PRKCA: variants seen among roughly 807,000 people sequenced by gnomAD.
PRKCA encodes the protein protein kinase C alpha.
A neutral mutation model predicts 87.0 loss-of-function variants in PRKCA; 27 were observed. The ratio of observed to expected loss-of-function variants is 0.31; its 90% CI spans 0.23 to 0.43. The LOEUF is 0.43. PRKCA is among the 20% of genes least tolerant of loss of function. PRKCA has a pLI of 1.00. For synonymous variants in PRKCA, 329 were observed against 311.1 expected, an observed-to-expected ratio of 1.06 and a Z score of -0.61; for missense variants, 518 against 852.3, an observed-to-expected ratio of 0.61 and a Z score of 4.88.
chr17:66,339,325 A>G (rs1906898408), intron 2 of PRKCA, among the ~76,000 whole-genome samples: 1 of 152,172 alleles, frequency 6.6e-6, no homozygotes, highest in Non-Finnish European at 1.5e-5. Flanking sequence ...TCTTTCTTTT[A>G]AAATTAACGC....
Position 66,501,048 on chromosome 17 carries a change from C to T in PRKCA, c.288+4765C>T, listed in dbSNP as rs139316148. Among the ~76,000 whole-genome samples, 836 of 152,088 alleles carry T rather than the reference C, an allele frequency of 5.5e-3. 6 individuals carry two copies. Among genetic ancestry groups the T allele is most frequent in the African/African-American group, 0.019 (786 of 41,466 alleles). Reference sequence around the variant, plus strand: ...CTTCGTTGAGCTTGGCAGACTCTAACACATTCACAGACGGGGAAAAAGAAG... The same window carrying T: ...CTTCGTTGAGCTTGGCAGACTCTAATACATTCACAGACGGGGAAAAAGAAG... On this transcript the variant is annotated intron_variant, in intron 3 of 16. Coordinates refer to ENST00000413366, the MANE Select transcript of PRKCA (RefSeq NM_002737.3).
intron 2 of PRKCA, among the ~76,000 whole-genome samples, chr17:66,306,798 A>G (rs1456452134): frequency 1.3e-5 from 2 of 152,038 alleles, no homozygotes; most frequent in Admixed American, 6.6e-5. Context: ...CTCCATTCTA[A>G]TTGTTTGACT....
intron 6 of PRKCA, among the ~76,000 whole-genome samples, chr17:66,687,893 G>T (rs899955191): frequency 6.6e-6 from 1 of 152,190 alleles, no homozygotes; most frequent in Admixed American, 6.5e-5. Context: ...CAGTTTTTCT[G>T]TGGACAACCA....
At position 66,756,106 on chromosome 17, in the gene PRKCA, G is replaced by A. The variant is rs538265787; in HGVS notation, c.1524+13346G>A. On this transcript the variant is annotated intron_variant, in intron 13 of 16. Coordinates refer to ENST00000413366, the MANE Select transcript of PRKCA (RefSeq NM_002737.3). Reference sequence around the variant, plus strand: ...GCGTTTTGGAGTTTTCCCTCAGGAAGCGCTGCCGGGTCCTCACAGTGAATG... The same window carrying A: ...GCGTTTTGGAGTTTTCCCTCAGGAAACGCTGCCGGGTCCTCACAGTGAATG... 1.8e-4 allele frequency among the ~76,000 whole-genome samples: 28 copies of A among 152,318 alleles called. No homozygotes were observed. In the East Asian group the frequency reaches 5.4e-3, roughly 29 times the overall value.
At chr17:66,447,853 G>A (rs1294974340) in intron 2 of PRKCA, among the ~76,000 whole-genome samples, 1 of 152,184 alleles carries the variant, frequency 6.6e-6, no homozygotes. Context: ...CTTGTTTACT[G>A]GAGGGCTTGG....
chr17:66,476,476 G>C (rs1016344895), intron 2 of PRKCA, among the ~76,000 whole-genome samples: 1 of 152,196 alleles, frequency 6.6e-6, no homozygotes, highest in Non-Finnish European at 1.5e-5. Flanking sequence ...CCAAGGCCCT[G>C]TCTGGTCTAA....
intron 2 of PRKCA, among the ~76,000 whole-genome samples, chr17:66,380,056 A>G (rs1188849249): frequency 1.3e-5 from 2 of 152,176 alleles, no homozygotes. Context: ...GGAATAAATA[A>G]ATGCCTCAAT....
intron 8 of PRKCA, among the ~76,000 whole-genome samples, chr17:66,723,806 C>T (rs182533311): frequency 2.5e-4 from 38 of 152,208 alleles, no homozygotes; most frequent in African/African-American, 3.4e-4. Context: ...GATAAGGAAC[C>T]GGGGGCTCAG....
chr17:66,512,041 C>T (rs927848887), intron 3 of PRKCA, among the ~76,000 whole-genome samples: 3 of 152,058 alleles, frequency 2.0e-5, no homozygotes, highest in Non-Finnish European at 2.9e-5. Context: ...AGCACAGTAG[C>T]GCCTCTGAAG....
intron 3 of PRKCA, among the ~76,000 whole-genome samples, chr17:66,551,990 G>A (rs556655580): frequency 1.1e-4 from 16 of 152,174 alleles, no homozygotes; most frequent in Non-Finnish European, 1.9e-4. Flanking sequence ...ATATATTTAT[G>A]TACAGTGTAA....
intron 2 of PRKCA, among the ~76,000 whole-genome samples, chr17:66,476,142 C>T (rs1286272224): frequency 3.3e-5 from 5 of 152,136 alleles, no homozygotes; most frequent in South Asian, 2.1e-4. Context: ...TCAAGTGATT[C>T]GCCTGCCTCG....
intron 3 of PRKCA, among the ~76,000 whole-genome samples, chr17:66,606,422 G>A (rs1038163135): frequency 2.6e-5 from 4 of 152,042 alleles, no homozygotes; most frequent in Admixed American, 2.6e-4. Context: ...TTAAACCAAA[G>A]AAATACCAGG....
chr17:66,616,516 C>T (rs944476233), intron 3 of PRKCA, among the ~76,000 whole-genome samples: 2 of 152,180 alleles, frequency 1.3e-5, no homozygotes, highest in African/African-American at 4.8e-5. Flanking sequence ...TGCCCAGGCA[C>T]CGTGCTAGGC....
chr17:66,728,321 C>T (rs1973805392), intron 8 of PRKCA, among the ~76,000 whole-genome samples: 1 of 152,186 alleles, frequency 6.6e-6, no homozygotes, highest in Non-Finnish European at 1.5e-5. Flanking sequence ...GGTCAGCCTG[C>T]CCTGGACCCC....
In PRKCA at chr17:66,578,136, A is replaced by T. The variant is rs528732123; in HGVS notation, c.289-63219A>T. 4.3e-4 allele frequency among the ~76,000 whole-genome samples: 60 copies of T among 140,652 alleles called. 1 individual carries two copies. Among genetic ancestry groups the T allele is most frequent in the Admixed American group, 3.1e-3 (44 of 14,266 alleles). The allele number at this position is 140,652 out of a possible 152,430, so 92.3% of individuals were successfully genotyped here. ...AGCCAGCTAACGAGAGACTGAATTTAAAACAAAACAAAACAAAACAAAACA... is the reference window on the plus strand; with the variant it reads ...AGCCAGCTAACGAGAGACTGAATTTTAAACAAAACAAAACAAAACAAAACA... On this transcript the variant is annotated intron_variant, in intron 3 of 16. Coordinates refer to ENST00000413366, the MANE Select transcript of PRKCA (RefSeq NM_002737.3).
At chr17:66,636,166 G>A (rs927024115) in intron 3 of PRKCA, among the ~76,000 whole-genome samples, 1 of 152,174 alleles carries the variant, frequency 6.6e-6, no homozygotes, top group African/African-American at 2.4e-5. Context: ...TCACTATTTA[G>A]AGGCTATTGA....
At chr17:66,570,904 G>A (rs761774917) in intron 3 of PRKCA, among the ~76,000 whole-genome samples, 3 of 152,124 alleles carry the variant, frequency 2.0e-5, no homozygotes, top group African/African-American at 4.8e-5. Context: ...GCCATCCTCC[G>A]TGGGTACCTC....
chr17:66,556,554 T>C (rs1412350507), intron 3 of PRKCA, among the ~76,000 whole-genome samples: 3 of 152,198 alleles, frequency 2.0e-5, no homozygotes, highest in Non-Finnish European at 2.9e-5. Context: ...GTATGCTATC[T>C]GCTATGGTCT....
At chr17:66,571,133 G>T (rs1243590714) in intron 3 of PRKCA, among the ~76,000 whole-genome samples, 1 of 152,208 alleles carries the variant, frequency 6.6e-6, no homozygotes, top group African/African-American at 2.4e-5. Flanking sequence ...ATATGAAGAT[G>T]TGAAAACAAA....
Sources: allele counts gnomAD v4.1 joint callset (sites outside exome capture counted in the v4.1 genomes callset), GRCh38; gene constraint gnomAD v4.1.1; transcripts MANE v1.5; gene names NCBI Gene and HGNC (gene_info 2026-07-23, HGNC 2026-07-21).